The following HPGD variants were observed in gnomAD, a reference collection of about 807,000 sequenced individuals.
HPGD encodes 15-hydroxyprostaglandin dehydrogenase, also known as 15-hydroxyprostaglandin dehydrogenase [NAD(+)].
Under a neutral mutation model 30.0 loss-of-function variants are expected in HPGD, and 29 were observed. The ratio of observed to expected loss-of-function variants is 0.97; its 90% CI spans 0.72 to 1.32. The LOEUF is 1.32. Among genes scored for constraint, HPGD ranks in the 40% most tolerant of loss-of-function variants. The pLI is 0.00. For synonymous variants in HPGD, 99 were observed against 112.4 expected, an observed-to-expected ratio of 0.88 and a Z score of 0.75; for missense variants, 340 against 322.1, an observed-to-expected ratio of 1.06 and a Z score of -0.43.
intron 5 of HPGD, among the ~76,000 whole-genome samples, chr4:174,493,734 C>G (rs1345507258): frequency 6.6e-6 from 1 of 152,148 alleles, no homozygotes; most frequent in Non-Finnish European, 1.5e-5. Context: ...TAAAGACACT[C>G]TTAATAATCT....
chr4:174,511,032 A>G (rs1735464632), intron 3 of HPGD, among the ~76,000 whole-genome samples: 1 of 152,188 alleles, frequency 6.6e-6, no homozygotes, highest in Admixed American at 6.5e-5. Flanking sequence ...CACATAAACT[A>G]TGGTTTATTT....
In HPGD at chr4:174,522,374, C is replaced by G; in HGVS notation, c.78G>C (p.Leu26=). 4 of 1,569,800 alleles carry G rather than the reference C, an allele frequency of 2.5e-6. No individual in the cohort carries two copies. The highest frequency in any genetic ancestry group is 3.5e-6 in the Non-Finnish European group (4 of 1,157,712). ...CCGGGCTTACCTTGGCGCCCTTAAG[C>G]AGCAGCGCCTCTGCAAAGGCTCTGC... ...GIGRAFAEAL[L]LKGAKVALVD... Residue 26 remains leucine (L), a synonymous_variant, in exon 1 of 7, where the codon CTG becomes CTC. Coordinates refer to ENST00000296522, the MANE Select transcript of HPGD (RefSeq NM_000860.6).
intron 4 of HPGD, among the ~76,000 whole-genome samples, chr4:174,498,673 T>A (rs1734761177): frequency 6.6e-6 from 1 of 151,572 alleles, no homozygotes; most frequent in South Asian, 2.1e-4. Context: ...AGGAACATTC[T>A]ATTTTTTTCA....
intron 5 of HPGD, 53 bp downstream of exon 5, chr4:174,495,495 T>C (rs1734549491): frequency 7.4e-7 from 1 of 1,350,376 alleles, no homozygotes; most frequent in East Asian, 2.3e-5. Flanking sequence ...GAATTCATGT[T>C]TTATAAATGT....
intron 3 of HPGD, among the ~76,000 whole-genome samples, chr4:174,512,835 A>G (rs1579296616): frequency 1.3e-5 from 2 of 152,292 alleles, no homozygotes; most frequent in African/African-American, 4.8e-5. Context: ...TGGAGAAGGA[A>G]CTAGGCCTGT....
At chr4:174,503,045 A>C (rs905414577) in intron 4 of HPGD, among the ~76,000 whole-genome samples, 2 of 152,224 alleles carry the variant, frequency 1.3e-5, no homozygotes, top group African/African-American at 4.8e-5. Flanking sequence ...TTCGTTTCTC[A>C]GTAGCCCTCT....
At position 174,521,959 on chromosome 4, in the gene HPGD, G is replaced by T; in HGVS notation, c.202C>A (p.Gln68Lys). ...TLFIQCDVAD[Q>K]QQLRDTFRKV... ...CCTGTCTTACCTCTCAGTTGTTGCT[G>T]GTCAGCCACATCGCACTGGATGAAC... Residue 68 changes from glutamine to lysine, a missense_variant, in exon 2 of 7, where the codon CAG becomes AAG. Transcript: ENST00000296522. 2 of 1,614,038 alleles carry T rather than the reference G, an allele frequency of 1.2e-6. No individual in the cohort carries two copies. Among genetic ancestry groups the T allele is most frequent in the Non-Finnish European group, 1.7e-6 (2 of 1,179,942 alleles).
At chr4:174,495,844 TAC>T (rs1288157106) in intron 4 of HPGD, 6 of 557,276 alleles carry the variant, frequency 1.1e-5, no homozygotes, top group African/African-American at 1.9e-5. Flanking sequence ...GTAGCTAAGT[TAC>T]ACAGAGATAC....
upstream of HPGD, chr4:174,522,857 T>G: frequency 6.0e-6 from 1 of 166,604 alleles, no homozygotes; most frequent in Non-Finnish European, 1.3e-5. Context: ...CTGCACTCCC[T>G]CCCGGCCCCG....
chr4:174,522,419 G>A lies in HPGD; in HGVS notation c.33C>T (p.Thr11=), dbSNP rs1736201576. The A allele has an allele frequency of 1.3e-6, 2 of 1,583,298 alleles. No individual in the cohort carries two copies. Among genetic ancestry groups the A allele is most frequent in the Non-Finnish European group, 1.7e-6 (2 of 1,165,632 alleles). Residue 11 remains threonine (T), a synonymous_variant, in exon 1 of 7, where the codon ACC becomes ACT. Coordinates refer to ENST00000296522, the MANE Select transcript of HPGD (RefSeq NM_000860.6). Reference sequence around the variant, plus strand: ...CTCTGCCTATGCCCTGAGCCGCGCCGGTCACCAGCGCCACTTTGCCGTTCA... The same window carrying A: ...CTCTGCCTATGCCCTGAGCCGCGCCAGTCACCAGCGCCACTTTGCCGTTCA... The part of the protein sequence containing the change: MHVNGKVALV[T]GAAQGIGRAF...
chr4:174,511,699 T>G (rs960329948), intron 3 of HPGD, among the ~76,000 whole-genome samples: 2 of 152,132 alleles, frequency 1.3e-5, no homozygotes, highest in Admixed American at 1.3e-4. Flanking sequence ...CAGGCTGGAG[T>G]GCAGTGGCGC....
chr4:174,504,201 G>A (rs1432113274), intron 4 of HPGD, among the ~76,000 whole-genome samples: 1 of 152,046 alleles, frequency 6.6e-6, no homozygotes, highest in Non-Finnish European at 1.5e-5. Context: ...ATTTAAGGTA[G>A]TAATTTTAGC....
In HPGD at chr4:174,517,957, CTAAGA is replaced by C. The variant is rs773246488; in HGVS notation, c.324+9_324+13del. 12 of 1,305,492 alleles carry C rather than the reference CTAAGA, an allele frequency of 9.2e-6. No homozygotes were observed. Among genetic ancestry groups the C allele is most frequent in the South Asian group, 3.6e-5 (3 of 84,332 alleles). The allele number at this position is 1,305,492 out of a possible 1,614,324, so 80.9% of individuals were successfully genotyped here. ...AAATAATTATAGACAAGAAATATAG[CTAAGA>C]TAACTCACCAAATTAATTTGCAGAG... On this transcript the variant is annotated intron_variant, in intron 3 of 6. Transcript: ENST00000296522.
intron 2 of HPGD, among the ~76,000 whole-genome samples, chr4:174,521,237 A>AC (rs1736092721): frequency 6.6e-6 from 1 of 152,122 alleles, no homozygotes; most frequent in Non-Finnish European, 1.5e-5. Context: ...AAAAAAAAAA[A>AC]AACAGCTTTA....
upstream of HPGD, chr4:174,522,505 C>G: frequency 7.0e-7 from 1 of 1,426,272 alleles, no homozygotes; most frequent in Non-Finnish European, 9.4e-7. Flanking sequence ...TCCGCGCGGC[C>G]GCGGCTTTTA....
intron 4 of HPGD, chr4:174,508,308 T>A: frequency 5.3e-6 from 3 of 567,520 alleles, no homozygotes. Context: ...ATTTTAAAAT[T>A]ACACACTGTT....
At chr4:174,495,078 T>C (rs1274519516) in intron 5 of HPGD, among the ~76,000 whole-genome samples, 1 of 152,226 alleles carries the variant, frequency 6.6e-6, no homozygotes, top group African/African-American at 2.4e-5. Context: ...TTCTAAGGTC[T>C]GTGCACCTTT....
At chr4:174,513,783 A>G (rs1333007561) in intron 3 of HPGD, among the ~76,000 whole-genome samples, 4 of 152,030 alleles carry the variant, frequency 2.6e-5, no homozygotes, top group African/African-American at 9.7e-5. Context: ...TACTAATTTT[A>G]TATCTGAAAA....
chr4:174,508,188 A>C, intron 4 of HPGD: 1 of 696,746 alleles, frequency 1.4e-6, no homozygotes, highest in South Asian at 1.5e-5. Context: ...AGATACCTGC[A>C]ACAAGGATCT....
Sources: gnomAD v4.1 joint callset for allele counts (sites outside exome capture counted in the v4.1 genomes callset) on GRCh38, gnomAD v4.1.1 for gene constraint, MANE v1.5 for transcripts, NCBI Gene and HGNC (gene_info 2026-07-23, HGNC 2026-07-21) for gene names.